The following RBFOX1 variants were observed in gnomAD, a reference collection of about 807,000 sequenced individuals.
RBFOX1 encodes RNA binding fox-1 homolog 1, also known as RNA binding protein fox-1 homolog 1.
A neutral mutation model predicts 57.7 loss-of-function variants in RBFOX1; 8 were observed. That is an observed-to-expected ratio of 0.14 (90% CI 0.08 to 0.25). The LOEUF is 0.25. Ranked by LOEUF, RBFOX1 falls within the 10% of genes least tolerant of loss-of-function variation. The pLI is 1.00. For synonymous variants in RBFOX1, 326 were observed against 222.4 expected (o/e 1.47, Z -4.15); for missense variants, 611 against 548.5 (o/e 1.11, Z -1.14).
chr16:5,899,631 T>G (rs928899322), intron 4 of RBFOX1, among the ~76,000 whole-genome samples: 1 of 152,132 alleles, frequency 6.6e-6, no homozygotes, highest in Non-Finnish European at 1.5e-5. Flanking sequence ...GGGTACCTGA[T>G]TGGGTCAAAA....
chr16:6,404,282 G>A (rs2093192427), intron 2 of RBFOX1, among the ~76,000 whole-genome samples: 1 of 152,142 alleles, frequency 6.6e-6, no homozygotes, highest in Admixed American at 6.6e-5. Flanking sequence ...TATATGGGAG[G>A]ATGTCTGAAA....
chr16:7,149,700 C>T (rs912333712), intron 4 of RBFOX1, among the ~76,000 whole-genome samples: 4 of 151,796 alleles, frequency 2.6e-5, no homozygotes, highest in Admixed American at 1.3e-4. Flanking sequence ...GCATGAGCCA[C>T]CAGGCTTATC....
intron 4 of RBFOX1, among the ~76,000 whole-genome samples, chr16:7,464,562 TA>T (rs2150672945): frequency 6.6e-6 from 1 of 152,232 alleles, no homozygotes; most frequent in East Asian, 1.9e-4. Flanking sequence ...AAGCTATTGT[TA>T]AAAATCCCTG....
At chr16:7,139,172 C>CTGTGTGTGTGTG (rs1466048089) in intron 4 of RBFOX1, among the ~76,000 whole-genome samples, 4 of 16,586 alleles carry the variant, frequency 2.4e-4, no homozygotes, top group African/African-American at 8.6e-4. Flanking sequence ...AAATCAATCT[C>CTGTGTGTGTGTG]TCTCTGTGTG....
At chr16:6,313,262 A>G (rs1408487571) in intron 1 of RBFOX1, among the ~76,000 whole-genome samples, 4 of 152,176 alleles carry the variant, frequency 2.6e-5, no homozygotes, top group Non-Finnish European at 4.4e-5. Flanking sequence ...GTCAGGAGTA[A>G]GGTAGGTTTG....
intron 3 of RBFOX1, among the ~76,000 whole-genome samples, chr16:5,714,391 G>A (rs2051610006): frequency 6.6e-6 from 1 of 152,256 alleles, no homozygotes; most frequent in East Asian, 1.9e-4. Flanking sequence ...CCAATGACTG[G>A]TCACTGGAAA....
intron 2 of RBFOX1, among the ~76,000 whole-genome samples, chr16:6,343,937 C>G (rs2084939222): frequency 1.3e-5 from 2 of 152,192 alleles, no homozygotes; most frequent in South Asian, 2.1e-4. Context: ...TCACGAGTCT[C>G]TGGCTGTTAC....
chr16:5,573,335 C>T (rs142616105), intron 2 of RBFOX1, among the ~76,000 whole-genome samples: 38 of 152,306 alleles, frequency 2.5e-4, no homozygotes, highest in African/African-American at 8.4e-4. Context: ...CTCCAGCTTT[C>T]TCATCACTGC....
intron 3 of RBFOX1, among the ~76,000 whole-genome samples, chr16:6,795,459 T>C (rs1458967284): frequency 4.6e-5 from 7 of 152,100 alleles, no homozygotes; most frequent in Admixed American, 3.9e-4. Context: ...CTTTATCAAA[T>C]GTTGATGCTT....
intron 2 of RBFOX1, among the ~76,000 whole-genome samples, chr16:6,405,055 C>T (rs1447674457): frequency 6.6e-6 from 1 of 152,174 alleles, no homozygotes; most frequent in Non-Finnish European, 1.5e-5. Context: ...GCCTGCATAA[C>T]ACAATGATCA....
intron 2 of RBFOX1, among the ~76,000 whole-genome samples, chr16:6,573,312 A>G (rs2097371687): frequency 6.6e-6 from 1 of 152,142 alleles, no homozygotes; most frequent in Non-Finnish European, 1.5e-5. Context: ...ACCCTCCCCT[A>G]GAAAGTAAGA....
At chr16:7,531,589 G>T (rs566586778) in intron 5 of RBFOX1, among the ~76,000 whole-genome samples, 21 of 152,270 alleles carry the variant, frequency 1.4e-4, no homozygotes, top group African/African-American at 5.1e-4. Context: ...TCTTCCATGA[G>T]CCATGCACTA....
Position 5,394,312 on chromosome 16 carries a change from G to T in RBFOX1, c.220-72904G>T, listed in dbSNP as rs59929632. On this transcript the variant is annotated intron_variant, in intron 1 of 2. Coordinates refer to the RBFOX1 transcript ENST00000585867. ...GCTGGGATTACAGGCATGAGACATT[G>T]CGCCCAGCCAGCCATTTCTTTTAAC... Among the ~76,000 whole-genome samples the T allele has an allele frequency of 1.8e-3, 279 of 152,240 alleles. 2 individuals carry two copies. Among genetic ancestry groups the T allele is most frequent in the African/African-American group, 6.6e-3 (275 of 41,536 alleles).
At chr16:5,420,630 G>C (rs928545045) in intron 1 of RBFOX1, among the ~76,000 whole-genome samples, 1 of 151,774 alleles carries the variant, frequency 6.6e-6, no homozygotes, top group Non-Finnish European at 1.5e-5. Flanking sequence ...CTACCTCAGC[G>C]TCCCCCAACC....
At chr16:7,669,428 C>T (rs2070633172) in intron 13 of RBFOX1, among the ~76,000 whole-genome samples, 1 of 152,052 alleles carries the variant, frequency 6.6e-6, no homozygotes, top group Non-Finnish European at 1.5e-5. Flanking sequence ...ACTGGAATAA[C>T]ATAGTGAGGT....
At position 5,968,446 on chromosome 16, in the gene RBFOX1, A is replaced by G. The variant is rs190720404; in HGVS notation, c.351+101111A>G. Among the ~76,000 whole-genome samples, 3 of 152,280 alleles carry G rather than the reference A, an allele frequency of 2.0e-5. 1 individual carries two copies. In the East Asian group the frequency reaches 5.8e-4, roughly 29 times the overall value. ...AGTTACTGCATGTTGTTTACAGTTTATATCCTTTCTGTGTGTAGGTGACTT... is the reference window on the plus strand; with the variant it reads ...AGTTACTGCATGTTGTTTACAGTTTGTATCCTTTCTGTGTGTAGGTGACTT... On this transcript the variant is annotated intron_variant, in intron 4 of 19. Coordinates refer to the RBFOX1 transcript ENST00000641259.
intron 4 of RBFOX1, among the ~76,000 whole-genome samples, chr16:7,103,597 T>A (rs1174394291): frequency 6.6e-6 from 1 of 152,204 alleles, no homozygotes; most frequent in Non-Finnish European, 1.5e-5. Flanking sequence ...TAAAAGTGAT[T>A]AGTTTGAATG....
chr16:7,167,435 C>G (rs1488425202), intron 4 of RBFOX1, among the ~76,000 whole-genome samples: 1 of 151,916 alleles, frequency 6.6e-6, no homozygotes, highest in Non-Finnish European at 1.5e-5. Context: ...GAGAAGGCCA[C>G]GTGAAGACCA....
At position 6,759,643 on chromosome 16, in the gene RBFOX1, C is replaced by G. The variant is rs146579676; in HGVS notation, c.-16+104993C>G. Among the ~76,000 whole-genome samples the G allele has an allele frequency of 3.7e-3, 567 of 152,124 alleles. 5 individuals carry two copies. Among genetic ancestry groups the G allele is most frequent in the African/African-American group, 0.013 (554 of 41,510 alleles). On this transcript the variant is annotated intron_variant, in intron 3 of 15. Coordinates refer to ENST00000550418, the MANE Select transcript of RBFOX1 (RefSeq NM_018723.4). ...TTAGCATGTAGGGATTTATTTAGGT[C>G]TATTACTTGTTTTCACTTTCTCTTT...
Sources: allele counts gnomAD v4.1 joint callset (sites outside exome capture counted in the v4.1 genomes callset), GRCh38; gene constraint gnomAD v4.1.1; transcripts MANE v1.5; gene names NCBI Gene and HGNC (gene_info 2026-07-23, HGNC 2026-07-21).